The following ST8SIA4 variants were observed in gnomAD, a reference collection of about 807,000 sequenced individuals.
The protein encoded by ST8SIA4 is CMP-N-acetylneuraminate-poly-alpha-2,8-sialyltransferase.
ST8SIA4 carries 15 observed loss-of-function variants against 33.9 expected under a neutral mutation model. The ratio of observed to expected loss-of-function variants is 0.44; its 90% CI spans 0.30 to 0.68. The LOEUF (loss-of-function observed/expected upper bound fraction) is 0.68, where lower values mean the gene tolerates loss of function less well. Among genes scored for constraint, ST8SIA4 ranks in the 30% least tolerant of loss-of-function variants. The pLI is 0.10. For synonymous variants in ST8SIA4, 171 were observed against 151.2 expected (o/e 1.13, Z -0.96); for missense variants, 321 against 428.0 (o/e 0.75, Z 2.21).
At chr5:100,881,053 C>G (rs1439623039) in intron 3 of ST8SIA4, among the ~76,000 whole-genome samples, 1 of 152,180 alleles carries the variant, frequency 6.6e-6, no homozygotes, top group Non-Finnish European at 1.5e-5. Context: ...TCTTTCTCCA[C>G]TCTAAAATTT....
chr5:100,809,449 C>CAA lies in ST8SIA4; in HGVS notation c.*2396_*2397dup, dbSNP rs35431964. The CAA allele has an allele frequency of 1.9e-3, 155 of 82,094 alleles. No individual in the cohort carries two copies. Among genetic ancestry groups the CAA allele is most frequent in the East Asian group, 0.013 (35 of 2,700 alleles). 5.1% of individuals were successfully genotyped at this position (82,094 alleles called of 1,614,324 possible). ...TGTGTGACAGAGTGAGACTCCATCT[C>CAA]AAAAAAAAAAAAAAAAGAAAAAAGA... On this transcript the variant is annotated 3_prime_UTR_variant, in exon 5 of 5. Coordinates refer to ENST00000231461, the MANE Select transcript of ST8SIA4 (RefSeq NM_005668.6).
chr5:100,858,390 A>G (rs1471625609), intron 3 of ST8SIA4, among the ~76,000 whole-genome samples: 1 of 152,054 alleles, frequency 6.6e-6, no homozygotes, highest in African/African-American at 2.4e-5. Flanking sequence ...AGAAAACAAT[A>G]TTTGTACTTT....
At chr5:100,883,018 G>A (rs1319642318) in intron 3 of ST8SIA4, among the ~76,000 whole-genome samples, 3 of 152,166 alleles carry the variant, frequency 2.0e-5, no homozygotes, top group Non-Finnish European at 4.4e-5. Flanking sequence ...CTAGGGCACC[G>A]CCTAGCGGAG....
Position 100,809,890 on chromosome 5 carries a change from T to C in ST8SIA4, c.*1957A>G, listed in dbSNP as rs993978683. The C allele has an allele frequency of 6.6e-6, 1 of 152,076 alleles. No homozygotes were observed. Among genetic ancestry groups the C allele is most frequent in the South Asian group, 2.1e-4 (1 of 4,826 alleles). The allele number at this position is 152,076 out of a possible 1,614,324, so 9.4% of individuals were successfully genotyped here. ...TTCTATATCCCAAGGTTTTACTATA[T>C]TAAAAAAATATGACATCTAATTAAA... On this transcript the variant is annotated 3_prime_UTR_variant, in exon 5 of 5. Transcript: ENST00000231461.
chr5:100,835,034 G>T (rs1751340947), intron 4 of ST8SIA4, among the ~76,000 whole-genome samples: 1 of 152,036 alleles, frequency 6.6e-6, no homozygotes, highest in Non-Finnish European at 1.5e-5. Flanking sequence ...AACAAACAAG[G>T]AACTAGGGCT....
At chr5:100,872,875 TAAAAAA>T (rs550303574) in intron 3 of ST8SIA4, among the ~76,000 whole-genome samples, 1 of 132,434 alleles carries the variant, frequency 7.6e-6, no homozygotes, top group East Asian at 2.2e-4. Flanking sequence ...AGATATGGGC[TAAAAAA>T]AAAAAAAAAA....
rs564736520 is a variant in ST8SIA4 at position 100,881,370 on chromosome 5, G to A, written c.503+4973C>T. On this transcript the variant is annotated intron_variant, in intron 3 of 4. Transcript: ENST00000231461. ...CATTTTAGTTCATCTGAGGTCATCC[G>A]TTCTCTGAGAAGAGAAAGCGCCTGG... Among the ~76,000 whole-genome samples the A allele has an allele frequency of 1.1e-4, 17 of 152,202 alleles. No homozygotes were observed. In the South Asian group the frequency reaches 2.7e-3, roughly 24 times the overall value.
intron 2 of ST8SIA4, 48 bp downstream of exon 2, chr5:100,895,606 T>C (rs1752762989): frequency 6.3e-7 from 1 of 1,578,538 alleles, no homozygotes. Flanking sequence ...GCCCAACGTA[T>C]TTGAGAACAT....
intron 1 of ST8SIA4, 46 bp downstream of exon 1, chr5:100,902,797 A>G (rs1752949967): frequency 6.7e-7 from 1 of 1,492,674 alleles, no homozygotes; most frequent in South Asian, 1.1e-5. Flanking sequence ...CATTTCATTT[A>G]TGGCTTGACT....
At position 100,809,987 on chromosome 5, in the gene ST8SIA4, C is replaced by T. The variant is rs1179735205; in HGVS notation, c.*1860G>A. 6.6e-6 allele frequency: 1 copy of T among 151,794 alleles called. No homozygotes were observed. The highest frequency in any genetic ancestry group is 1.5e-5 in the Non-Finnish European group (1 of 67,968). 9.4% of individuals were successfully genotyped at this position (151,794 alleles called of 1,614,324 possible). The stretch of plus-strand genomic sequence containing the variant: ...CACACACACACACACGTACTTCATG[C>T]TTTTTATTCATTTCTCAGACTGTTT... On this transcript the variant is annotated 3_prime_UTR_variant, in exon 5 of 5. Coordinates refer to ENST00000231461, the MANE Select transcript of ST8SIA4 (RefSeq NM_005668.6).
At chr5:100,837,000 AC>A (rs1751377333) in intron 4 of ST8SIA4, among the ~76,000 whole-genome samples, 1 of 50,052 alleles carries the variant, frequency 2.0e-5, no homozygotes, top group African/African-American at 6.0e-5. Flanking sequence ...GCTAAAACAC[AC>A]ACACACACAC....
Position 100,895,803 on chromosome 5 carries a change from T to G in ST8SIA4, c.114-18A>C, listed in dbSNP as rs1441298099. 6.2e-7 allele frequency: 1 copy of G among 1,610,560 alleles called. No homozygotes were observed. Among genetic ancestry groups the G allele is most frequent in the African/African-American group, 1.3e-5 (1 of 74,710 alleles). On this transcript the variant is annotated intron_variant, in intron 1 of 4. Coordinates refer to ENST00000231461, the MANE Select transcript of ST8SIA4 (RefSeq NM_005668.6). ...CACCATCTCTGAAACAAAACAAAATTGCCAGCTTTGTGAAAGTAAGAAACA... is the reference window on the plus strand; with the variant it reads ...CACCATCTCTGAAACAAAACAAAATGGCCAGCTTTGTGAAAGTAAGAAACA...
At chr5:100,888,008 C>T (rs1752578016) in intron 2 of ST8SIA4, among the ~76,000 whole-genome samples, 1 of 151,792 alleles carries the variant, frequency 6.6e-6, no homozygotes, top group South Asian at 2.1e-4. Context: ...TATTGCCTTC[C>T]CATATAAGTC....
intron 4 of ST8SIA4, among the ~76,000 whole-genome samples, chr5:100,815,653 T>A (rs1750902441): frequency 6.6e-6 from 1 of 152,050 alleles, no homozygotes; most frequent in African/African-American, 2.4e-5. Context: ...TATATACTCT[T>A]GCTCCAAAAT....
At chr5:100,894,076 A>C (rs750416086) in intron 2 of ST8SIA4, among the ~76,000 whole-genome samples, 29 of 152,106 alleles carry the variant, frequency 1.9e-4, no homozygotes, top group Non-Finnish European at 3.7e-4. Flanking sequence ...AAATTCAAAT[A>C]TAAGGATGGG....
At position 100,809,409 on chromosome 5, in the gene ST8SIA4, C is replaced by T. The variant is rs1750767095; in HGVS notation, c.*2438G>A. The stretch of plus-strand genomic sequence containing the variant: ...AGGTTGCAGTGAGCTGAGATGGCAT[C>T]ACTGCATTCCAGCCTGTGTGACAGA... On this transcript the variant is annotated 3_prime_UTR_variant, in exon 5 of 5. Coordinates refer to ENST00000231461, the MANE Select transcript of ST8SIA4 (RefSeq NM_005668.6). The T allele has an allele frequency of 7.2e-6, 1 of 139,288 alleles. No homozygotes were observed. The highest frequency in any genetic ancestry group is 2.7e-5 in the African/African-American group (1 of 37,524). 8.6% of individuals were successfully genotyped at this position (139,288 alleles called of 1,614,324 possible).
chr5:100,833,381 G>C (rs958370655), intron 4 of ST8SIA4, among the ~76,000 whole-genome samples: 3 of 152,038 alleles, frequency 2.0e-5, no homozygotes, highest in African/African-American at 7.2e-5. Flanking sequence ...TCAATTGATT[G>C]GGCTGCAAAA....
At chr5:100,817,645 G>T (rs534759581) in intron 4 of ST8SIA4, among the ~76,000 whole-genome samples, 4 of 152,208 alleles carry the variant, frequency 2.6e-5, no homozygotes, top group South Asian at 2.1e-4. Flanking sequence ...AAATTATTTT[G>T]GTACAGTTCA....
intron 3 of ST8SIA4, among the ~76,000 whole-genome samples, chr5:100,880,270 TAAAC>T (rs928288882): frequency 5.5e-4 from 83 of 152,206 alleles, no homozygotes; most frequent in African/African-American, 1.9e-3. Context: ...GTTGTAAAGA[TAAAC>T]AATAAATAAA....
Sources: gnomAD v4.1 joint callset for allele counts (sites outside exome capture counted in the v4.1 genomes callset) on GRCh38, gnomAD v4.1.1 for gene constraint, MANE v1.5 for transcripts, NCBI Gene and HGNC (gene_info 2026-07-23, HGNC 2026-07-21) for gene names.